The following TUSC3 variants were observed in gnomAD, a reference collection of about 807,000 sequenced individuals.
The protein encoded by TUSC3 is dolichyl-diphosphooligosaccharide--protein glycosyltransferase subunit TUSC3.
TUSC3 carries 45 observed loss-of-function variants against 44.8 expected under a neutral mutation model. The observed-to-expected ratio is 1.00, with a 90% CI of 0.79 to 1.29. TUSC3 has a LOEUF of 1.29. Ranked by LOEUF, TUSC3 falls within the 50% of genes most tolerant of loss-of-function variation. The pLI is 0.00. For missense variants in TUSC3, 519 were observed against 437.9 expected, an observed-to-expected ratio of 1.19 and a Z score of -1.65; for synonymous variants, 212 against 152.9, an observed-to-expected ratio of 1.39 and a Z score of -2.85.
At chr8:15,657,274 T>A (rs1174764934) in intron 3 of TUSC3, among the ~76,000 whole-genome samples, 1 of 152,234 alleles carries the variant, frequency 6.6e-6, no homozygotes, top group Non-Finnish European at 1.5e-5. Flanking sequence ...TTATAAATTG[T>A]GTCTTTAAAT....
chr8:15,741,412 T>G (rs1449214223), intron 7 of TUSC3, among the ~76,000 whole-genome samples: 1 of 152,176 alleles, frequency 6.6e-6, no homozygotes, highest in African/African-American at 2.4e-5. Flanking sequence ...TTTGAATATT[T>G]AAAAATGTCA....
chr8:15,455,354 C>T (rs905274159), intron 1 of TUSC3, among the ~76,000 whole-genome samples: 1 of 152,020 alleles, frequency 6.6e-6, no homozygotes, highest in African/African-American at 2.4e-5. Context: ...GGTTGGTTTT[C>T]TGGTGCTCCA....
chr8:15,780,490 G>A, the TUSC3 span, among the ~76,000 whole-genome samples: 1 of 152,178 alleles, frequency 6.6e-6, no homozygotes, highest in South Asian at 2.1e-4. Flanking sequence ...ACAAACACTT[G>A]CAGGGGCTTC....
At chr8:15,690,342 CT>C (rs536001549) in intron 6 of TUSC3, among the ~76,000 whole-genome samples, 55 of 146,136 alleles carry the variant, frequency 3.8e-4, no homozygotes, top group Non-Finnish European at 7.6e-4. Flanking sequence ...CCTTTGCCCA[CT>C]TTTAAAGGGA....
At chr8:15,692,375 G>GTTTTTTTTT (rs59838929) in intron 6 of TUSC3, among the ~76,000 whole-genome samples, 29 of 68,342 alleles carry the variant, frequency 4.2e-4, no homozygotes, top group East Asian at 5.1e-4. Flanking sequence ...CCCCCCCTTT[G>GTTTTTTTTT]TTTTTTTTTT....
chr8:15,540,496 C>T lies in TUSC3; in HGVS notation c.66C>T (p.Thr22=), dbSNP rs1255009873. ...GGCGGCGGCTGCGGTACCTGCCCAC[C>T]GGGAGCTTTCCCTTCCTTCTCCTGC... ...QAGRRLRYLP[T]GSFPFLLLLL... The change falls in exon 1 of 11, where the codon ACC becomes ACT. Residue 22 remains threonine (T), a synonymous_variant. Transcript: ENST00000503731. 3.1e-6 allele frequency: 5 copies of T among 1,608,688 alleles called. No homozygotes were observed. Among genetic ancestry groups the T allele is most frequent in the South Asian group, 1.1e-5 (1 of 90,524 alleles).
chr8:15,583,374 C>T (rs12675139), intron 1 of TUSC3, among the ~76,000 whole-genome samples: 37,223 of 151,966 alleles, frequency 0.24, 4,643 homozygotes, highest in East Asian at 0.45. Context: ...CTAGAGCTAG[C>T]GCAGAGAAGA....
At chr8:15,822,545 G>T in the TUSC3 span, among the ~76,000 whole-genome samples, 2 of 152,142 alleles carry the variant, frequency 1.3e-5, no homozygotes, top group Non-Finnish European at 2.9e-5. Context: ...TCTTGCTGAT[G>T]CTGCTGGTCT....
the TUSC3 span, among the ~76,000 whole-genome samples, chr8:15,781,615 G>C: frequency 2.5e-3 from 376 of 152,204 alleles, 1 homozygote; most frequent in African/African-American, 8.7e-3. Flanking sequence ...AATGGAATCA[G>C]AATAGACCAA....
chr8:15,716,958 T>C (rs1423285964), intron 6 of TUSC3, among the ~76,000 whole-genome samples: 1 of 152,210 alleles, frequency 6.6e-6, no homozygotes, highest in East Asian at 1.9e-4. Context: ...CTGAATATTT[T>C]ACTGTAGGGT....
chr8:15,749,080 A>G (rs1419394303), intron 9 of TUSC3, among the ~76,000 whole-genome samples: 2 of 151,960 alleles, frequency 1.3e-5, no homozygotes, highest in Non-Finnish European at 2.9e-5. Flanking sequence ...AATTAGGCAT[A>G]TATTCATTCT....
At chr8:15,522,754 G>C (rs1801315038) in intron 2 of TUSC3, among the ~76,000 whole-genome samples, 1 of 152,086 alleles carries the variant, frequency 6.6e-6, no homozygotes, top group African/African-American at 2.4e-5. Flanking sequence ...TTCACTCAGG[G>C]CTTTTGTGAT....
At chr8:15,779,939 G>C in the TUSC3 span, among the ~76,000 whole-genome samples, 8,219 of 152,182 alleles carry the variant, frequency 0.054, 337 homozygotes, top group African/African-American at 0.12. Flanking sequence ...AACAAAACGA[G>C]CGGTCTTTCT....
intron 9 of TUSC3, among the ~76,000 whole-genome samples, chr8:15,750,794 G>C (rs1479122504): frequency 1.3e-5 from 2 of 151,992 alleles, no homozygotes; most frequent in African/African-American, 4.8e-5. Flanking sequence ...CTCCCCACCA[G>C]CCTAACAGGA....
At chr8:15,430,566 C>A (rs943114569) in intron 1 of TUSC3, among the ~76,000 whole-genome samples, 1 of 151,238 alleles carries the variant, frequency 6.6e-6, no homozygotes, top group Non-Finnish European at 1.5e-5. Flanking sequence ...TGCAAACTGG[C>A]ACAAGACAGG....
At chr8:15,813,870 C>T in the TUSC3 span, among the ~76,000 whole-genome samples, 1 of 152,078 alleles carries the variant, frequency 6.6e-6, no homozygotes, top group African/African-American at 2.4e-5. Flanking sequence ...GTGAAGATCA[C>T]AGTCTTCACA....
At chr8:15,783,221 A>C in the TUSC3 span, among the ~76,000 whole-genome samples, 1 of 152,206 alleles carries the variant, frequency 6.6e-6, no homozygotes, top group Non-Finnish European at 1.5e-5. Context: ...AAATAAATAG[A>C]AATGTATCCC....
chr8:15,463,822 T>A (rs1468919106), intron 1 of TUSC3, among the ~76,000 whole-genome samples: 3 of 152,222 alleles, frequency 2.0e-5, no homozygotes, highest in Non-Finnish European at 4.4e-5. Context: ...TTATACTCAT[T>A]TCTGAGTACC....
chr8:15,567,977 T>C (rs1802737951), intron 1 of TUSC3, among the ~76,000 whole-genome samples: 1 of 152,286 alleles, frequency 6.6e-6, no homozygotes, highest in East Asian at 1.9e-4. Context: ...TTCTCCTCTT[T>C]GTTTTCATGT....
Sources: allele counts gnomAD v4.1 joint callset (sites outside exome capture counted in the v4.1 genomes callset), GRCh38; gene constraint gnomAD v4.1.1; transcripts MANE v1.5; gene names NCBI Gene and HGNC (gene_info 2026-07-23, HGNC 2026-07-21).